Variants in ADAMTSL3 observed in about 807,000 individuals in gnomAD.
ADAMTSL3 encodes the protein ADAMTS-like protein 3.
A neutral mutation model predicts 201.7 loss-of-function variants in ADAMTSL3; 128 were observed. The observed-to-expected ratio is 0.63, with a 90% CI of 0.55 to 0.73. The LOEUF (loss-of-function observed/expected upper bound fraction) is 0.73, where lower values mean the gene tolerates loss of function less well. Ranked by LOEUF, ADAMTSL3 falls within the 30% of genes least tolerant of loss-of-function variation. The pLI is 0.00. For synonymous variants in ADAMTSL3, 738 were observed against 748.4 expected (o/e 0.99, Z 0.23); for missense variants, 1,990 against 2,119.6 (o/e 0.94, Z 1.20).
intron 16 of ADAMTSL3, among the ~76,000 whole-genome samples, chr15:83,915,568 A>G (rs1184257430): frequency 2.6e-5 from 4 of 152,044 alleles, no homozygotes; most frequent in African/African-American, 9.7e-5. Flanking sequence ...CATTTAAAGT[A>G]TACAATGTAG....
At chr15:83,681,774 C>T (rs192788373) in intron 2 of ADAMTSL3, among the ~76,000 whole-genome samples, 1 of 152,162 alleles carries the variant, frequency 6.6e-6, no homozygotes. Flanking sequence ...AGAGAGACCT[C>T]AAGTGAAGGT....
At chr15:83,919,077 T>C (rs1336536495) in intron 16 of ADAMTSL3, among the ~76,000 whole-genome samples, 1 of 152,154 alleles carries the variant, frequency 6.6e-6, no homozygotes, top group East Asian at 1.9e-4. Flanking sequence ...TGAGTTCATT[T>C]GTGAACATAA....
chr15:83,802,696 G>A (rs2063543418), intron 4 of ADAMTSL3, among the ~76,000 whole-genome samples: 1 of 152,194 alleles, frequency 6.6e-6, no homozygotes, highest in Admixed American at 6.5e-5. Context: ...GAGGGTGGGG[G>A]AAGAGGTTGA....
chr15:83,715,298 T>G (rs2062001886), intron 3 of ADAMTSL3, among the ~76,000 whole-genome samples: 1 of 152,214 alleles, frequency 6.6e-6, no homozygotes, highest in Non-Finnish European at 1.5e-5. Flanking sequence ...ATTACATTCA[T>G]CATTCTGCAC....
At chr15:83,935,350 C>T (rs1044954760) in intron 17 of ADAMTSL3, among the ~76,000 whole-genome samples, 1 of 152,010 alleles carries the variant, frequency 6.6e-6, no homozygotes, top group Non-Finnish European at 1.5e-5. Context: ...AGTGCATTCA[C>T]TTGTGATTCC....
intron 15 of ADAMTSL3, among the ~76,000 whole-genome samples, chr15:83,907,556 T>C (rs11853795): frequency 0.63 from 95,369 of 152,014 alleles, 31,014 homozygotes; most frequent in African/African-American, 0.79. Flanking sequence ...TGCACCACCA[T>C]ACCTGGCTAA....
chr15:83,897,046 C>T (rs1268872171), intron 13 of ADAMTSL3, among the ~76,000 whole-genome samples: 2 of 152,118 alleles, frequency 1.3e-5, no homozygotes, highest in African/African-American at 4.8e-5. Context: ...TCTACCAGGT[C>T]CCTCCCATGA....
chr15:83,912,126 A>G (rs2065945680), intron 15 of ADAMTSL3, among the ~76,000 whole-genome samples: 1 of 152,190 alleles, frequency 6.6e-6, no homozygotes, highest in African/African-American at 2.4e-5. Flanking sequence ...TCTTAAATAT[A>G]TCTGTCCCTA....
chr15:83,891,554 T>C (rs987382523), intron 12 of ADAMTSL3, among the ~76,000 whole-genome samples, 175 bp downstream of exon 12: 1 of 152,230 alleles, frequency 6.6e-6, no homozygotes, highest in Non-Finnish European at 1.5e-5. Context: ...TTAGATGGAA[T>C]AGACTGCCTC....
chr15:83,728,963 T>A (rs1467609679), intron 3 of ADAMTSL3, among the ~76,000 whole-genome samples: 1 of 152,126 alleles, frequency 6.6e-6, no homozygotes, highest in Non-Finnish European at 1.5e-5. Flanking sequence ...TCTCAGTTTT[T>A]GTTTGTCTGG....
intron 15 of ADAMTSL3, among the ~76,000 whole-genome samples, chr15:83,910,042 C>G (rs998100756): frequency 2.6e-5 from 4 of 152,166 alleles, no homozygotes; most frequent in African/African-American, 9.7e-5. Context: ...CATTCACTTC[C>G]AAGTCTGGCC....
At chr15:83,973,070 C>T (rs2067224513) in intron 20 of ADAMTSL3, among the ~76,000 whole-genome samples, 1 of 152,196 alleles carries the variant, frequency 6.6e-6, no homozygotes. Flanking sequence ...CATGATTTCT[C>T]TCCAACGTTT....
At chr15:83,769,567 T>A (rs1386070271) in intron 3 of ADAMTSL3, among the ~76,000 whole-genome samples, 3 of 152,218 alleles carry the variant, frequency 2.0e-5, no homozygotes, top group Non-Finnish European at 4.4e-5. Flanking sequence ...TCACCAGATA[T>A]TTATCCTTTC....
chr15:83,717,302 A>G (rs2062032862), intron 3 of ADAMTSL3: 1 of 152,214 alleles, frequency 6.6e-6, no homozygotes, highest in Non-Finnish European at 1.5e-5. Context: ...GAAACTAGAG[A>G]AGAGGAGCTT....
intron 4 of ADAMTSL3, among the ~76,000 whole-genome samples, chr15:83,788,908 G>T (rs1183162046): frequency 2.0e-5 from 3 of 152,030 alleles, no homozygotes; most frequent in African/African-American, 7.2e-5. Context: ...CTCCTGGGTT[G>T]AAGCAACTCT....
intron 15 of ADAMTSL3, among the ~76,000 whole-genome samples, chr15:83,905,688 A>T (rs1174663422): frequency 1.3e-5 from 2 of 152,236 alleles, no homozygotes; most frequent in African/African-American, 4.8e-5. Context: ...TCACAATGAT[A>T]AATAAAACTG....
At chr15:83,676,474 C>T (rs1226942430) in intron 2 of ADAMTSL3, among the ~76,000 whole-genome samples, 5 of 151,964 alleles carry the variant, frequency 3.3e-5, no homozygotes, top group African/African-American at 7.3e-5. Flanking sequence ...GTCAGGAGAT[C>T]GAGACCATCC....
intron 19 of ADAMTSL3, among the ~76,000 whole-genome samples, chr15:83,952,666 C>T (rs1037066352): frequency 2.0e-5 from 3 of 151,988 alleles, no homozygotes; most frequent in Non-Finnish European, 4.4e-5. Context: ...TCCCGCCAGG[C>T]GTGGTAGCAA....
intron 3 of ADAMTSL3, among the ~76,000 whole-genome samples, chr15:83,715,806 G>T (rs2062009460): frequency 6.6e-6 from 1 of 152,142 alleles, no homozygotes; most frequent in Admixed American, 6.5e-5. Context: ...CTCTCTGTGT[G>T]CCCTGTGCTC....
Sources: gnomAD v4.1 joint callset for allele counts (sites outside exome capture counted in the v4.1 genomes callset) on GRCh38, gnomAD v4.1.1 for gene constraint, MANE v1.5 for transcripts, NCBI Gene and HGNC (gene_info 2026-07-23, HGNC 2026-07-21) for gene names.